RUBCN: variants seen among roughly 807,000 people sequenced by gnomAD.
RUBCN encodes the protein run domain Beclin-1-interacting and cysteine-rich domain-containing protein.
A neutral mutation model predicts 113.2 loss-of-function variants in RUBCN; 74 were observed. The observed-to-expected ratio is 0.65, with a 90% confidence interval of 0.54 to 0.79. The LOEUF is 0.79. Among genes scored for constraint, RUBCN ranks in the 30% least tolerant of loss-of-function variants. The pLI is 0.00. For missense variants in RUBCN, 1,109 were observed against 1,251.7 expected (o/e 0.89, Z 1.72); for synonymous variants, 480 against 490.0 (o/e 0.98, Z 0.27).
intron 2 of RUBCN, among the ~76,000 whole-genome samples, chr3:197,710,802 C>T (rs1007989297): frequency 3.3e-5 from 5 of 151,722 alleles, no homozygotes; most frequent in African/African-American, 1.2e-4. Flanking sequence ...TCTTTTCATG[C>T]TAAGAGAAGT....
chr3:197,685,244 C>T (rs1365061707), intron 11 of RUBCN, among the ~76,000 whole-genome samples: 3 of 152,240 alleles, frequency 2.0e-5, no homozygotes, highest in Non-Finnish European at 4.4e-5. Context: ...CAGGCAGACA[C>T]AGCCTATCCA....
At chr3:197,690,934 C>CT in intron 11 of RUBCN, 1 of 417,342 alleles carries the variant, frequency 2.4e-6, no homozygotes, top group Non-Finnish European at 4.7e-6. Flanking sequence ...GGCTTAGCTC[C>CT]AGTTTCTTCC....
chr3:197,679,883 T>C (rs1309878431), intron 16 of RUBCN, among the ~76,000 whole-genome samples: 1 of 141,978 alleles, frequency 7.0e-6, no homozygotes, highest in East Asian at 2.2e-4. Context: ...CAGACTGTCC[T>C]GTGCTCTGAC....
rs1210261152 is a variant in RUBCN, at chr3:197,712,881, T to A, written c.219+5096A>T. 4.6e-5 allele frequency among the ~76,000 whole-genome samples: 7 copies of A among 151,420 alleles called. No individual in the cohort carries two copies. The East Asian group carries it at 1.2e-3, about 25-fold the overall frequency. On this transcript the variant is annotated intron_variant, in intron 2 of 19. Transcript: ENST00000296343. The stretch of plus-strand genomic sequence containing the variant: ...TATCACTTTTTTTTTTTTTCTGAGA[T>A]GGAGTTTCGCTCTTGTCACCCAGGC...
At chr3:197,690,622 T>C (rs935127961) in intron 11 of RUBCN, among the ~76,000 whole-genome samples, 26 of 152,320 alleles carry the variant, frequency 1.7e-4, no homozygotes, top group African/African-American at 6.3e-4. Context: ...CCAGAAGAGA[T>C]GGCTTTCTAA....
At chr3:197,703,516 C>G in intron 5 of RUBCN, 32 bp downstream of exon 5, 2 of 1,457,344 alleles carry the variant, frequency 1.4e-6, no homozygotes, top group Non-Finnish European at 1.9e-6. Context: ...AGGGACCCAG[C>G]ATAGACGTGG....
At position 197,742,719 on chromosome 3, in the gene RUBCN, G is replaced by A. The variant is rs566746814; in HGVS notation, c.-116+6550C>T. On this transcript the variant is annotated intron_variant, in intron 1 of 20. Coordinates refer to the RUBCN transcript ENST00000273582. ...CCTCATCCCAGAGCAGGGAACCTGC[G>A]GGGCACAGAGAGAAGAAGCCTGGGA... is the stretch of plus-strand genomic sequence containing the variant. Among the ~76,000 whole-genome samples the A allele has an allele frequency of 5.3e-5, 8 of 152,316 alleles. No homozygotes were observed. The South Asian group carries it at 1.2e-3, about 24-fold the overall frequency.
chr3:197,693,208 AAC>A (rs1357808008), intron 11 of RUBCN, among the ~76,000 whole-genome samples: 1 of 152,156 alleles, frequency 6.6e-6, no homozygotes, highest in African/African-American at 2.4e-5. Context: ...CACCAATAAA[AAC>A]AGAGTCTGTG....
chr3:197,683,732 T>C lies in RUBCN; in HGVS notation c.1848-293A>G, dbSNP rs1170402318. Among the ~76,000 whole-genome samples the C allele has an allele frequency of 2.6e-5, 4 of 152,206 alleles. No homozygotes were observed. The highest frequency in any genetic ancestry group is 5.9e-5 in the Non-Finnish European group (4 of 68,042). ...TCTAACAGCAAAATGGAGATTATAATGCCTGCTTACAAAACAAAGTGAGTA... is the reference window on the plus strand; with the variant it reads ...TCTAACAGCAAAATGGAGATTATAACGCCTGCTTACAAAACAAAGTGAGTA... On this transcript the variant is annotated intron_variant, in intron 12 of 19. Coordinates refer to ENST00000296343, the MANE Select transcript of RUBCN (RefSeq NM_014687.4). This position sits in a 1 kb window ranked among gnomAD's most constrained non-coding sequence, Gnocchi z 4.6.
In RUBCN at chr3:197,699,900, T is replaced by C. The variant is rs1225278647; in HGVS notation, c.1261+713A>G. Among the ~76,000 whole-genome samples the C allele has an allele frequency of 2.6e-5, 4 of 152,182 alleles. No individual in the cohort carries two copies. The South Asian group carries it at 6.2e-4, about 24-fold the overall frequency. On this transcript the variant is annotated intron_variant, in intron 7 of 19. Coordinates refer to ENST00000296343, the MANE Select transcript of RUBCN (RefSeq NM_014687.4). ...GCTTTGAGCACAAAGCTCCATGCTA[T>C]ACTTCCTCTTATGGAGATCCTACTA... is the stretch of plus-strand genomic sequence containing the variant.
At chr3:197,692,066 G>A (rs1051725068) in intron 11 of RUBCN, among the ~76,000 whole-genome samples, 5 of 152,066 alleles carry the variant, frequency 3.3e-5, no homozygotes, top group East Asian at 1.9e-4. Flanking sequence ...GGGGGCTATC[G>A]AAAGAACCAA....
chr3:197,695,791 G>A, intron 9 of RUBCN, 75 bp downstream of exon 9: 2 of 1,338,006 alleles, frequency 1.5e-6, no homozygotes, highest in East Asian at 2.3e-5. Flanking sequence ...AACCTCATCA[G>A]AACAAATGGC....
intron 7 of RUBCN, among the ~76,000 whole-genome samples, chr3:197,698,745 G>GC (rs1200714777): frequency 6.8e-6 from 1 of 146,352 alleles, no homozygotes; most frequent in Non-Finnish European, 1.5e-5. Flanking sequence ...TGTAATCCCA[G>GC]CACTCGGGAG....
At chr3:197,735,984 G>A (rs1402511482) in intron 1 of RUBCN, among the ~76,000 whole-genome samples, 9 of 152,178 alleles carry the variant, frequency 5.9e-5, no homozygotes, top group Admixed American at 5.2e-4. Flanking sequence ...TGCTTAGTTT[G>A]CATTGTGAGG....
intron 2 of RUBCN, among the ~76,000 whole-genome samples, chr3:197,710,460 CATGGTGGCA>C: frequency 6.6e-6 from 1 of 152,130 alleles, no homozygotes; most frequent in South Asian, 2.1e-4. Flanking sequence ...ATTAGCTGGG[CATGGTGGCA>C]CATGCCTGTA....
At chr3:197,701,896 C>A in intron 5 of RUBCN, 32 bp from the exon 6 acceptor site, 1 of 1,610,114 alleles carries the variant, frequency 6.2e-7, no homozygotes, top group South Asian at 1.1e-5. Context: ...AAAAATGTGT[C>A]AGAGTTAAGG....
intron 2 of RUBCN, among the ~76,000 whole-genome samples, chr3:197,713,480 C>T (rs2108944878): frequency 6.6e-6 from 1 of 152,222 alleles, no homozygotes; most frequent in South Asian, 2.1e-4. Context: ...GGCAGGATTC[C>T]CAAGTTTCTG....
intron 1 of RUBCN, among the ~76,000 whole-genome samples, chr3:197,727,867 C>A (rs1726932562): frequency 1.3e-5 from 2 of 152,260 alleles, no homozygotes; most frequent in Non-Finnish European, 2.9e-5. Context: ...GCTTTACAAA[C>A]AAGGTAAAGC....
chr3:197,692,088 G>C (rs759202206), intron 11 of RUBCN, among the ~76,000 whole-genome samples: 3 of 152,074 alleles, frequency 2.0e-5, no homozygotes, highest in Non-Finnish European at 4.4e-5. Flanking sequence ...CACGTCATTA[G>C]AGGGTTAGAG....
Sources: allele counts gnomAD v4.1 joint callset (sites outside exome capture counted in the v4.1 genomes callset), GRCh38; gene constraint gnomAD v4.1.1; non-coding constraint Gnocchi (gnomAD v3.1); transcripts MANE v1.5; gene names NCBI Gene and HGNC (gene_info 2026-07-23, HGNC 2026-07-21).